The following SLCO1A2 variants were observed in gnomAD, a reference collection of about 807,000 sequenced individuals.
SLCO1A2 encodes the protein OATP-1.
In SLCO1A2, 67 loss-of-function variants were observed where a neutral mutation model predicts 69.0. The ratio of observed to expected loss-of-function variants is 0.97; its 90% CI spans 0.80 to 1.19. SLCO1A2 has a LOEUF of 1.19. Ranked by LOEUF, SLCO1A2 falls within the 50% of genes most tolerant of loss-of-function variation. The pLI, the probability that SLCO1A2 is intolerant of heterozygous loss-of-function variation, is 0.00. For missense variants in SLCO1A2, 787 were observed against 793.7 expected (o/e 0.99, Z 0.10); for synonymous variants, 260 against 265.9 (o/e 0.98, Z 0.22).
chr12:21,390,787 T>G (rs574327939), intron 1 of SLCO1A2, among the ~76,000 whole-genome samples: 1 of 152,274 alleles, frequency 6.6e-6, no homozygotes, highest in East Asian at 1.9e-4. Flanking sequence ...AGATTAGATA[T>G]CCACATAGCA....
intron 1 of SLCO1A2, among the ~76,000 whole-genome samples, chr12:21,392,495 C>T (rs141098825): frequency 6.6e-6 from 1 of 152,328 alleles, no homozygotes; most frequent in East Asian, 1.9e-4. Flanking sequence ...TCTGAGCAAA[C>T]TTAAAGTCAT....
At chr12:21,284,229 T>C (rs1250098097) in intron 12 of SLCO1A2, among the ~76,000 whole-genome samples, 2 of 152,056 alleles carry the variant, frequency 1.3e-5, no homozygotes, top group African/African-American at 4.8e-5. Flanking sequence ...TGGAGTAATA[T>C]TCAGCCATAA....
At chr12:21,270,999 T>G (rs1007427761) in intron 14 of SLCO1A2, among the ~76,000 whole-genome samples, 2 of 151,824 alleles carry the variant, frequency 1.3e-5, no homozygotes, top group African/African-American at 4.8e-5. Flanking sequence ...TTCTAAAATT[T>G]TCTTTTATTA....
intron 2 of SLCO1A2, among the ~76,000 whole-genome samples, chr12:21,334,289 G>C (rs1251107919): frequency 6.6e-6 from 1 of 152,016 alleles, no homozygotes; most frequent in Non-Finnish European, 1.5e-5. Flanking sequence ...AGTGAGCATG[G>C]CCTTTGATCC....
upstream of SLCO1A2, among the ~76,000 whole-genome samples, chr12:21,339,507 G>A (rs1482949554): frequency 6.6e-6 from 1 of 151,890 alleles, no homozygotes; most frequent in African/African-American, 2.4e-5. Context: ...TCTACAAAAT[G>A]AAGACAGTCT....
rs1020470956 is a variant in SLCO1A2, at chr12:21,392,048, C to T, written c.-190+2858G>A. Among the ~76,000 whole-genome samples the T allele has an allele frequency of 2.0e-5, 3 of 152,128 alleles. No homozygotes were observed. In the South Asian group the frequency reaches 6.2e-4, roughly 31 times the overall value. On this transcript the variant is annotated intron_variant, in intron 1 of 15. Coordinates refer to the SLCO1A2 transcript ENST00000307378. ...GAAATGTCTTCCTTGATTCCTTTGC[C>T]CAGAGCAGTATTTAAAACTGACTCT...
At position 21,368,006 on chromosome 12, in the gene SLCO1A2, C is replaced by A. The variant is rs577931141; in HGVS notation, c.-63+6393G>T. On this transcript the variant is annotated intron_variant, in intron 2 of 15. Coordinates refer to the SLCO1A2 transcript ENST00000307378. ...AATTAGACTAGCACTATTTTTCAACCCCTAATAAAAAGGATTTCAGGCAAT... is the reference window on the plus strand; with the variant it reads ...AATTAGACTAGCACTATTTTTCAACACCTAATAAAAAGGATTTCAGGCAAT... Among the ~76,000 whole-genome samples the A allele has an allele frequency of 4.0e-4, 61 of 152,092 alleles. 1 individual carries two copies. In the South Asian group the frequency reaches 9.1e-3, roughly 23 times the overall value.
In SLCO1A2 at chr12:21,297,482, C is replaced by T. The variant is rs201943341; in HGVS notation, c.997G>A (p.Val333Ile). Reference sequence around the variant, plus strand: ...TTAGGCATGAAGGAGATCATGTTAACGAATGCATTGAACTGTATCACACTT... The same window carrying T: ...TTAGGCATGAAGGAGATCATGTTAATGAATGCATTGAACTGTATCACACTT... Reference protein sequence around the residue: ...LVSVIQFNAFVNMISFMPKYL... With the variant: ...LVSVIQFNAFINMISFMPKYL... Residue 333 changes from valine (V) to isoleucine (I), a missense_variant, in exon 9 of 15, where the codon GTT becomes ATT. By Grantham distance (29) the Val-to-Ile change is conservative. Coordinates refer to ENST00000683939, the MANE Select transcript of SLCO1A2 (RefSeq NM_001386879.1). The T allele has an allele frequency of 8.6e-5, 138 of 1,611,688 alleles. No individual in the cohort carries two copies. Among genetic ancestry groups the T allele is most frequent in the Middle Eastern group, 6.6e-4 (4 of 6,044 alleles).
intron 1 of SLCO1A2, among the ~76,000 whole-genome samples, chr12:21,387,260 T>C (rs899296562): frequency 2.0e-5 from 3 of 152,110 alleles, no homozygotes; most frequent in Non-Finnish European, 2.9e-5. Flanking sequence ...CTGCAGAAAT[T>C]TGCGTAAGTA....
intron 4 of SLCO1A2, 110 bp downstream of exon 4, chr12:21,314,439 A>G: frequency 8.5e-7 from 1 of 1,171,086 alleles, no homozygotes; most frequent in Non-Finnish European, 1.2e-6. Context: ...TCCCCTTCCC[A>G]TTACAGTGCC....
At chr12:21,293,198 G>A (rs746628697) in intron 11 of SLCO1A2, among the ~76,000 whole-genome samples, 1 of 152,086 alleles carries the variant, frequency 6.6e-6, no homozygotes, top group Non-Finnish European at 1.5e-5. Flanking sequence ...AGCTACTCAG[G>A]AGGCTGAGGC....
chr12:21,322,959 C>T lies in SLCO1A2; in HGVS notation c.61-4036G>A, dbSNP rs371445124. On this transcript the variant is annotated intron_variant, in intron 2 of 14. Transcript: ENST00000683939. ...TTGTCTCATACCATTGTGGGGGTGG[C>T]ATGGCTGCCTGCTTGAGATCCACCC... is the stretch of plus-strand genomic sequence containing the variant. Among the ~76,000 whole-genome samples the T allele has an allele frequency of 2.6e-5, 4 of 152,290 alleles. No individual in the cohort carries two copies. The East Asian group carries it at 7.7e-4, about 29-fold the overall frequency.
At chr12:21,303,178 GTTCT>G (rs1741401768) in intron 6 of SLCO1A2, among the ~76,000 whole-genome samples, 1 of 151,942 alleles carries the variant, frequency 6.6e-6, no homozygotes, top group Non-Finnish European at 1.5e-5. Context: ...TAATTATGTA[GTTCT>G]TTATTTACTA....
intron 2 of SLCO1A2, among the ~76,000 whole-genome samples, chr12:21,346,211 C>A (rs574966039): frequency 6.6e-6 from 1 of 152,128 alleles, no homozygotes; most frequent in Non-Finnish European, 1.5e-5. Flanking sequence ...AAGCCATATA[C>A]AAAATCACTC....
chr12:21,364,044 T>C (rs1939165681), intron 2 of SLCO1A2, among the ~76,000 whole-genome samples: 1 of 152,236 alleles, frequency 6.6e-6, no homozygotes, highest in African/African-American at 2.4e-5. Context: ...CTCAGTCATT[T>C]TATGAGGCCA....
rs1188608587 is a variant in SLCO1A2, at chr12:21,266,180, T to C, written c.*3368A>G. On this transcript the variant is annotated 3_prime_UTR_variant, in exon 15 of 15. Coordinates refer to ENST00000683939, the MANE Select transcript of SLCO1A2 (RefSeq NM_001386879.1). ...CTGGTTACATAACATTCTGGTTACA[T>C]AACATTTCAAGCTTTTGGTTACAAA... 1 of 152,210 alleles carries C rather than the reference T, an allele frequency of 6.6e-6. No homozygotes were observed. The highest frequency in any genetic ancestry group is 6.5e-5 in the Admixed American group (1 of 15,270). 9.4% of individuals were successfully genotyped at this position (152,210 alleles called of 1,614,324 possible). A position where few individuals can be genotyped will look rare whatever the true frequency, so the allele number is the denominator to read the frequency against.
In SLCO1A2 at chr12:21,318,776, C is replaced by A. The variant is rs1951205518; in HGVS notation, c.202+6G>T. ...AAAAAGAAGAAATGCAAAAATAATTCATTACCAATCTCAAAGCTTCCATTA... is the reference window on the plus strand; with the variant it reads ...AAAAAGAAGAAATGCAAAAATAATTAATTACCAATCTCAAAGCTTCCATTA... On this transcript the variant is annotated splice_donor_region_variant and intron_variant, in intron 3 of 14. Transcript: ENST00000683939. 1 of 1,589,552 alleles carries A rather than the reference C, an allele frequency of 6.3e-7. No individual in the cohort carries two copies. The highest frequency in any genetic ancestry group is 8.5e-7 in the Non-Finnish European group (1 of 1,172,570).
intron 2 of SLCO1A2, among the ~76,000 whole-genome samples, chr12:21,341,498 C>T (rs1320251101): frequency 6.6e-6 from 1 of 151,998 alleles, no homozygotes; most frequent in Non-Finnish European, 1.5e-5. Context: ...TTCTTGACTA[C>T]TTCAGGTTTT....
At chr12:21,284,359 T>A (rs985617742) in intron 12 of SLCO1A2, among the ~76,000 whole-genome samples, 1 of 152,124 alleles carries the variant, frequency 6.6e-6, no homozygotes, top group African/African-American at 2.4e-5. Flanking sequence ...GGTACCGGGT[T>A]TATCTCACTA....
Sources: allele counts gnomAD v4.1 joint callset (sites outside exome capture counted in the v4.1 genomes callset), GRCh38; gene constraint gnomAD v4.1.1; transcripts MANE v1.5; gene names NCBI Gene and HGNC (gene_info 2026-07-23, HGNC 2026-07-21).